The following PP2D1 variants were observed in gnomAD, a reference collection of about 807,000 sequenced individuals.
PP2D1 encodes protein phosphatase 2C like domain containing 1.
In PP2D1, 25 loss-of-function variants were observed where a neutral mutation model predicts 30.2. The observed-to-expected ratio is 0.83, with a 90% CI of 0.60 to 1.16. The LOEUF (loss-of-function observed/expected upper bound fraction) is 1.16, where lower values mean the gene tolerates loss of function less well. PP2D1 is among the 50% of genes most tolerant of loss of function. The pLI, the probability that PP2D1 is intolerant of heterozygous loss-of-function variation, is 0.00. For missense variants in PP2D1, 760 were observed against 742.4 expected, an observed-to-expected ratio of 1.02 and a Z score of -0.28; for synonymous variants, 260 against 258.9, an observed-to-expected ratio of 1.00 and a Z score of -0.04.
Position 20,001,746 on chromosome 3 carries a change from T to A in PP2D1, c.374A>T (p.Glu125Val). 6.5e-7 allele frequency: 1 copy of A among 1,531,724 alleles called. No homozygotes were observed. The highest frequency in any genetic ancestry group is 8.7e-7 in the Non-Finnish European group (1 of 1,145,246). The allele number at this position is 1,531,724 out of a possible 1,614,324, so 94.9% of individuals were successfully genotyped here. ...SKLLSSFMFT[E>V]KTLQSINNAF... The stretch of plus-strand genomic sequence containing the variant: ...ATTATTAATGCTCTGTAGGGTTTTT[T>A]CAGTGAACATAAAAGATGACAATAG... Residue 125 changes from glutamate to valine, a missense_variant, in exon 2 of 3, where the codon GAA becomes GTA. Physicochemically the swap from Glu to Val is moderately radical, Grantham distance 121. This residue lies in a region of PP2D1 where 374 missense variants were observed against 388.8 expected (regional missense o/e 0.96). Coordinates refer to ENST00000389050, the MANE Select transcript of PP2D1 (RefSeq NM_001252657.2).
chr3:20,002,710 A>G (rs908474759), intron 1 of PP2D1, among the ~76,000 whole-genome samples: 15 of 152,318 alleles, frequency 9.8e-5, no homozygotes, highest in Non-Finnish European at 1.9e-4. Flanking sequence ...ACTTGAGGTC[A>G]GGAGTTCAAG....
At chr3:19,989,375 T>C (rs2125138376) in intron 2 of PP2D1, among the ~76,000 whole-genome samples, 1 of 152,276 alleles carries the variant, frequency 6.6e-6, no homozygotes, top group Non-Finnish European at 1.5e-5. Flanking sequence ...AGACAGAAAC[T>C]GTTGTCTCAT....
chr3:19,983,853 T>G, downstream of PP2D1: 1 of 1,398,806 alleles, frequency 7.1e-7, no homozygotes, highest in Non-Finnish European at 1.0e-6. Context: ...TGGAATAGTC[T>G]TCTGCTTCCT....
intron 2 of PP2D1, among the ~76,000 whole-genome samples, chr3:19,992,159 C>G (rs546454654): frequency 6.6e-6 from 1 of 152,282 alleles, no homozygotes; most frequent in East Asian, 1.9e-4. Context: ...AACTAGCTTT[C>G]ATTGGATGTT....
At chr3:19,996,212 AAG>A (rs773530158) in intron 2 of PP2D1, among the ~76,000 whole-genome samples, 18 of 152,110 alleles carry the variant, frequency 1.2e-4, no homozygotes, top group Non-Finnish European at 1.8e-4. Context: ...AACAAGAAAA[AAG>A]AGAGAAAATC....
At chr3:19,995,065 T>C (rs1296360045) in intron 2 of PP2D1, among the ~76,000 whole-genome samples, 3 of 152,192 alleles carry the variant, frequency 2.0e-5, no homozygotes, top group Non-Finnish European at 2.9e-5. Context: ...AACTCAACAC[T>C]GCCCTGGACT....
At chr3:19,990,271 G>A (rs1247640741) in intron 2 of PP2D1, among the ~76,000 whole-genome samples, 1 of 152,040 alleles carries the variant, frequency 6.6e-6, no homozygotes, top group Admixed American at 6.6e-5. Flanking sequence ...TCAGCCTCCC[G>A]AGAGCTGGGA....
At chr3:19,981,772 T>C (rs1036497385), downstream of PP2D1, among the ~76,000 whole-genome samples, 3 of 152,126 alleles carry the variant, frequency 2.0e-5, no homozygotes, top group Non-Finnish European at 2.9e-5. Flanking sequence ...TGTATAGAGC[T>C]TGGCAGAGGT....
At chr3:19,988,036 T>C (rs1697064028) in intron 2 of PP2D1, among the ~76,000 whole-genome samples, 4 of 152,188 alleles carry the variant, frequency 2.6e-5, no homozygotes, top group African/African-American at 9.7e-5. Context: ...TGGGGTTGTA[T>C]GTCGCTTCAG....
At chr3:19,996,671 G>C (rs1001383197) in intron 2 of PP2D1, 1 of 151,992 alleles carries the variant, frequency 6.6e-6, no homozygotes, top group Admixed American at 6.6e-5. Context: ...GAATGTAGAT[G>C]TGAAAATCCT....
intron 2 of PP2D1, among the ~76,000 whole-genome samples, chr3:19,993,435 C>T (rs890020639): frequency 4.6e-5 from 7 of 152,146 alleles, no homozygotes; most frequent in East Asian, 1.9e-4. Context: ...GCCGAATCCA[C>T]GTTAAATTTT....
At chr3:20,010,055 T>A (rs1697366887) in intron 1 of PP2D1, among the ~76,000 whole-genome samples, 1 of 152,156 alleles carries the variant, frequency 6.6e-6, no homozygotes, top group Non-Finnish European at 1.5e-5. Context: ...CATCAATATT[T>A]TTTTACTCCT....
chr3:19,980,445 A>ATTTTTTTTTTTTTTTTTTTTTT, downstream of PP2D1, among the ~76,000 whole-genome samples: 1 of 148,104 alleles, frequency 6.8e-6, no homozygotes, highest in Non-Finnish European at 1.5e-5. Flanking sequence ...AGGTTAGTAA[A>ATTTTTTTTTTTTTTTTTTTTTT]TTTTTTTTTC....
chr3:20,007,027 A>T (rs1014652696), intron 1 of PP2D1, among the ~76,000 whole-genome samples: 3 of 151,156 alleles, frequency 2.0e-5, no homozygotes, highest in Non-Finnish European at 4.4e-5. Context: ...ACACACACAC[A>T]CACACGTATA....
In PP2D1 at chr3:20,001,164, A is replaced by G. The variant is rs915904687; in HGVS notation, c.956T>C (p.Leu319Ser). The change falls in exon 2 of 3, where the codon TTG (leucine) becomes TCG (serine). Residue 319 changes from leucine (L) to serine (S), a missense_variant. Leu to Ser is a moderately radical substitution (Grantham distance 145). Around this residue, in one of 3 missense-constraint regions of PP2D1, gnomAD observed 374 missense variants for 388.8 expected, o/e 0.96. Coordinates refer to ENST00000389050, the MANE Select transcript of PP2D1 (RefSeq NM_001252657.2). ...WSGCSAVTCI[L>S]EGKPKSPYAH... ...ATAAGGACTTTTAGGTTTGCCTTCC[A>G]ATATACAAGTAACTGCAGAGCAGCC... The G allele has an allele frequency of 3.4e-6, 5 of 1,482,718 alleles. No individual in the cohort carries two copies. In the African/African-American group the frequency reaches 7.1e-5, roughly 21 times the overall value. 91.8% of individuals were successfully genotyped at this position (1,482,718 alleles called of 1,614,324 possible).
At chr3:19,980,445 A>ATTTTTT (rs11441052), downstream of PP2D1, among the ~76,000 whole-genome samples, 56 of 147,998 alleles carry the variant, frequency 3.8e-4, no homozygotes, top group Non-Finnish European at 5.1e-4. Flanking sequence ...AGGTTAGTAA[A>ATTTTTT]TTTTTTTTTC....
At chr3:20,010,576 C>T (rs1575090583) in intron 1 of PP2D1, among the ~76,000 whole-genome samples, 2 of 151,928 alleles carry the variant, frequency 1.3e-5, no homozygotes, top group East Asian at 2.0e-4. Flanking sequence ...CCGAGGCAGG[C>T]GGATCACCTG....
downstream of PP2D1, among the ~76,000 whole-genome samples, chr3:19,983,345 CAAA>C (rs34872300): frequency 2.2e-5 from 2 of 92,114 alleles, no homozygotes; most frequent in Admixed American, 1.3e-4. Flanking sequence ...GACTACATCT[CAAA>C]AAAAAAAAAA....
In PP2D1 at chr3:20,007,339, G is replaced by C. The variant is rs560390335; in HGVS notation, c.23+4711C>G. Among the ~76,000 whole-genome samples, 6 of 152,158 alleles carry C rather than the reference G, an allele frequency of 3.9e-5. No homozygotes were observed. In the East Asian group the frequency reaches 1.2e-3, roughly 29 times the overall value. ...TTGGGAATATTTTCTATCCAAAGTT[G>C]GTTGAATTCACAGATGCAGAACCTT... On this transcript the variant is annotated intron_variant, in intron 1 of 2. Coordinates refer to ENST00000389050, the MANE Select transcript of PP2D1 (RefSeq NM_001252657.2).
Sources: allele counts gnomAD v4.1 joint callset (sites outside exome capture counted in the v4.1 genomes callset), GRCh38; gene constraint gnomAD v4.1.1; regional missense constraint gnomAD v4.1.1; transcripts MANE v1.5; gene names NCBI Gene and HGNC (gene_info 2026-07-23, HGNC 2026-07-21).